MYRIP: variants seen among roughly 807,000 people sequenced by gnomAD.
MYRIP encodes the protein rab effector MyRIP.
MYRIP carries 49 observed loss-of-function variants against 98.0 expected under a neutral mutation model. The ratio of observed to expected loss-of-function variants is 0.50; its 90% CI spans 0.40 to 0.63. The LOEUF (loss-of-function observed/expected upper bound fraction) is 0.63, where lower values mean the gene tolerates loss of function less well. Ranked by LOEUF, MYRIP falls within the 30% of genes least tolerant of loss-of-function variation. MYRIP has a pLI of 0.00. For missense variants in MYRIP, 1,004 were observed against 1,058.2 expected, an observed-to-expected ratio of 0.95 and a Z score of 0.71; for synonymous variants, 404 against 409.5, an observed-to-expected ratio of 0.99 and a Z score of 0.16.
chr3:39,886,834 C>A (rs547337459), intron 1 of MYRIP, among the ~76,000 whole-genome samples: 11 of 151,804 alleles, frequency 7.2e-5, no homozygotes, highest in Non-Finnish European at 1.5e-4. Context: ...TTGCACCAAG[C>A]GCACCTAATA....
intron 2 of MYRIP, among the ~76,000 whole-genome samples, chr3:39,928,750 G>T (rs147367374): frequency 1.3e-5 from 2 of 151,894 alleles, no homozygotes; most frequent in Non-Finnish European, 2.9e-5. Context: ...AGGACTGAAT[G>T]CTTCCCCCTT....
intron 2 of MYRIP, among the ~76,000 whole-genome samples, chr3:39,969,962 G>T (rs1945536718): frequency 6.6e-6 from 1 of 152,022 alleles, no homozygotes; most frequent in African/African-American, 2.4e-5. Flanking sequence ...GCTTTTTTTG[G>T]TTGGTAGGCT....
In MYRIP at chr3:40,190,226, G is replaced by T. The variant is rs764989184; in HGVS notation, c.1428G>T (p.Gln476His). Residue 476 changes from glutamine (Q) to histidine (H), a missense_variant, in exon 10 of 17, where the codon CAG becomes CAT. Transcript: ENST00000302541. ...VGHQARLSWL[Q>H]RKAPRNPAAE... ...ACCAGGCCAGACTGTCCTGGTTGCA[G>T]AGGAAGGCCCCCAGGAACCCTGCAG... 1 of 1,614,002 alleles carries T rather than the reference G, an allele frequency of 6.2e-7. No homozygotes were observed. Among genetic ancestry groups the T allele is most frequent in the African/African-American group, 1.3e-5 (1 of 74,908 alleles).
chr3:39,887,477 A>C (rs1943341717), intron 1 of MYRIP, among the ~76,000 whole-genome samples: 1 of 152,116 alleles, frequency 6.6e-6, no homozygotes, highest in African/African-American at 2.4e-5. Flanking sequence ...AAATTCAACA[A>C]TGCTTCATGC....
chr3:40,238,556 G>C (rs1340261735), intron 12 of MYRIP: 1 of 152,194 alleles, frequency 6.6e-6, no homozygotes, highest in Non-Finnish European at 1.5e-5. Flanking sequence ...AGGACTCGGG[G>C]GGAGAAAAAG....
intron 3 of MYRIP, among the ~76,000 whole-genome samples, chr3:40,097,700 G>A (rs968175824): frequency 2.8e-4 from 42 of 152,194 alleles, no homozygotes; most frequent in Admixed American, 1.6e-3. Flanking sequence ...CATTCCTGAG[G>A]AAGTGTCCCA....
chr3:40,257,681 G>A (rs1167638343), intron 16 of MYRIP, among the ~76,000 whole-genome samples: 1 of 152,046 alleles, frequency 6.6e-6, no homozygotes, highest in Non-Finnish European at 1.5e-5. Context: ...ATAGACAAAA[G>A]CACTTTGCAA....
intron 13 of MYRIP, among the ~76,000 whole-genome samples, chr3:40,246,849 T>C (rs1456515557): frequency 6.6e-6 from 1 of 152,180 alleles, no homozygotes; most frequent in Non-Finnish European, 1.5e-5. Context: ...CTCTAGAGAA[T>C]GAAAGGGCAC....
At chr3:39,952,828 T>G (rs774302761) in intron 2 of MYRIP, among the ~76,000 whole-genome samples, 1 of 152,174 alleles carries the variant, frequency 6.6e-6, no homozygotes, top group Non-Finnish European at 1.5e-5. Flanking sequence ...AAAGTAGGAA[T>G]AGCTAGGGAC....
chr3:39,847,606 G>C (rs918956606), intron 1 of MYRIP, among the ~76,000 whole-genome samples: 1 of 152,068 alleles, frequency 6.6e-6, no homozygotes, highest in Admixed American at 6.6e-5. Flanking sequence ...ACTGCTTCTG[G>C]GTTAATTCTC....
rs534288441 is a variant in MYRIP at position 40,132,565 on chromosome 3, T to C, written c.333-18483T>C. Among the ~76,000 whole-genome samples, 5 of 152,378 alleles carry C rather than the reference T, an allele frequency of 3.3e-5. No individual in the cohort carries two copies. The East Asian group carries it at 9.6e-4, about 29-fold the overall frequency. On this transcript the variant is annotated intron_variant, in intron 3 of 16. Coordinates refer to ENST00000302541, the MANE Select transcript of MYRIP (RefSeq NM_015460.4). ...TGTATATTTTTCTGGGCCAGGGCCC[T>C]GAGCTAGACCAGGTACAGGCCCTGG... is the stretch of plus-strand genomic sequence containing the variant.
intron 10 of MYRIP, among the ~76,000 whole-genome samples, chr3:40,205,528 C>A (rs1951768976): frequency 6.6e-6 from 1 of 152,122 alleles, no homozygotes; most frequent in African/African-American, 2.4e-5. Flanking sequence ...GTTTGAGACA[C>A]CACACCAGTG....
rs1419998723 is a variant in MYRIP at position 40,118,139 on chromosome 3, T to C, written c.333-32909T>C. Among the ~76,000 whole-genome samples the C allele has an allele frequency of 3.9e-5, 6 of 152,186 alleles. No homozygotes were observed. The South Asian group carries it at 6.2e-4, about 16-fold the overall frequency. Reference sequence around the variant, plus strand: ...ACAATGCTTAGCCTCTCTCATAATATGATAAATGTAAATTAAAACTATAAT... The same window carrying C: ...ACAATGCTTAGCCTCTCTCATAATACGATAAATGTAAATTAAAACTATAAT... On this transcript the variant is annotated intron_variant, in intron 3 of 16. Coordinates refer to ENST00000302541, the MANE Select transcript of MYRIP (RefSeq NM_015460.4).
chr3:39,828,601 A>G (rs928400328), intron 1 of MYRIP, among the ~76,000 whole-genome samples: 4 of 152,112 alleles, frequency 2.6e-5, no homozygotes, highest in Non-Finnish European at 2.9e-5. Flanking sequence ...ACACTGCACC[A>G]TATTTGTTGT....
intron 1 of MYRIP, among the ~76,000 whole-genome samples, chr3:39,826,111 T>TG (rs1209203401): frequency 1.3e-5 from 2 of 149,684 alleles, no homozygotes; most frequent in East Asian, 1.9e-4. Flanking sequence ...TTTGTTTATA[T>TG]TTTTTTAAAA....
At chr3:40,059,282 C>G (rs535543891) in intron 3 of MYRIP, among the ~76,000 whole-genome samples, 134 of 152,196 alleles carry the variant, frequency 8.8e-4, no homozygotes, top group African/African-American at 3.2e-3. Flanking sequence ...ATTTCTAATC[C>G]TTTGGGTATA....
At chr3:40,177,073 T>TAAAAA (rs78605256) in intron 8 of MYRIP, among the ~76,000 whole-genome samples, 1 of 135,174 alleles carries the variant, frequency 7.4e-6, no homozygotes, top group Non-Finnish European at 1.6e-5. Context: ...AGACCCTGTC[T>TAAAAA]AAAAAAAAAA....
rs887040112 is a variant in MYRIP at position 39,977,043 on chromosome 3, TA to T, written c.111-66998del. On this transcript the variant is annotated intron_variant, in intron 2 of 16. Transcript: ENST00000302541. The stretch of plus-strand genomic sequence containing the variant: ...ACATGTACCCTAAAACTGAAAGTAT[TA>T]AAAAAAAATTATTCTGTGTGTTTTT... 2.1e-3 allele frequency among the ~76,000 whole-genome samples: 289 copies of T among 139,654 alleles called. 1 individual carries two copies. Among genetic ancestry groups the T allele is most frequent in the African/African-American group, 5.5e-3 (186 of 34,114 alleles). 91.6% of individuals were successfully genotyped at this position (139,654 alleles called of 152,430 possible).
intron 1 of MYRIP, among the ~76,000 whole-genome samples, chr3:39,812,382 G>GA (rs1940724354): frequency 6.6e-6 from 1 of 152,128 alleles, no homozygotes; most frequent in African/African-American, 2.4e-5. Context: ...AGCCAGTACA[G>GA]AAAAATAGAA....
Sources: allele counts gnomAD v4.1 joint callset (sites outside exome capture counted in the v4.1 genomes callset), GRCh38; gene constraint gnomAD v4.1.1; transcripts MANE v1.5; gene names NCBI Gene and HGNC (gene_info 2026-07-23, HGNC 2026-07-21).